MT1X: variants seen among roughly 807,000 people sequenced by gnomAD.
MT1X encodes metallothionein 1X.
MT1X carries 7 observed loss-of-function variants against 8.6 expected under a neutral mutation model. The ratio of observed to expected loss-of-function variants is 0.81; its 90% CI spans 0.46 to 1.52. The LOEUF (loss-of-function observed/expected upper bound fraction) is 1.52. Among genes scored for constraint, MT1X ranks in the 40% most tolerant of loss-of-function variants. MT1X has a pLI of 0.01. For missense variants in MT1X, 72 were observed against 74.3 expected (o/e 0.97, Z 0.11); for synonymous variants, 25 against 27.6 (o/e 0.91, Z 0.30).
rs1268750809 is a variant in MT1X at position 56,682,533 on chromosome 16, G to C, written c.-8G>C. On this transcript the variant is annotated 5_prime_UTR_variant, in exon 1 of 3. Transcript: ENST00000394485. ...TGATCGGGAACTCCTGCTTCTCCTT[G>C]CCTCGAAATGGACCCCAACTGCTCC... 1 of 1,614,076 alleles carries C rather than the reference G, an allele frequency of 6.2e-7. No homozygotes were observed. Among genetic ancestry groups the C allele is most frequent in the Non-Finnish European group, 8.5e-7 (1 of 1,180,032 alleles).
At chr16:56,682,608 C>G in intron 1 of MT1X, 40 bp downstream of exon 1, 1 of 1,613,250 alleles carries the variant, frequency 6.2e-7, no homozygotes, top group Non-Finnish European at 8.5e-7. Flanking sequence ...ATGCCCGTTT[C>G]CCAGCCACAG....
Position 56,683,146 on chromosome 16 carries a change from C to A in MT1X, c.29-19C>A. On this transcript the variant is annotated intron_variant, in intron 1 of 2. Transcript: ENST00000394485. ...CTGCATCTCACTCCACGCTCACTGC[C>A]TTTTTCTCTTCCTTGCAGTTGGCTC... is the stretch of plus-strand genomic sequence containing the variant. 1.9e-6 allele frequency: 3 copies of A among 1,613,762 alleles called. No homozygotes were observed. The highest frequency in any genetic ancestry group is 2.5e-6 in the Non-Finnish European group (3 of 1,179,796).
rs1441744273 is a variant in MT1X, at chr16:56,684,160, A to G, written c.*111A>G. 9.7e-6 allele frequency: 12 copies of G among 1,235,488 alleles called. No homozygotes were observed. The East Asian group carries it at 1.0e-4, about 10-fold the overall frequency. The allele number at this position is 1,235,488 out of a possible 1,614,324, so 76.5% of individuals were successfully genotyped here. On this transcript the variant is annotated 3_prime_UTR_variant, in exon 3 of 3. Transcript: ENST00000394485. ...ACCCGTTTGCTACATCTTTTTTTCT[A>G]TGAAATATGTGAATGGCAATAAATT...
chr16:56,683,147 T>A lies in MT1X; in HGVS notation c.29-18T>A, dbSNP rs1367092745. 1 of 1,612,284 alleles carries A rather than the reference T, an allele frequency of 6.2e-7. No individual in the cohort carries two copies. On this transcript the variant is annotated intron_variant, in intron 1 of 2. Transcript: ENST00000394485. ...TGCATCTCACTCCACGCTCACTGCC[T>A]TTTTCTCTTCCTTGCAGTTGGCTCC...
intron 2 of MT1X, 153 bp from the exon 3 acceptor site, chr16:56,683,805 C>T (rs1266325044): frequency 8.5e-7 from 1 of 1,169,700 alleles, no homozygotes; most frequent in Admixed American, 2.2e-5. Context: ...ACCCTCATCC[C>T]AAAGATCTAC....
At chr16:56,683,905 G>T (rs1164507438) in intron 2 of MT1X, 53 bp from the exon 3 acceptor site, 46 of 1,611,164 alleles carry the variant, frequency 2.9e-5, no homozygotes, top group Non-Finnish European at 3.7e-5. Context: ...GTTGGGGCAG[G>T]GAGGTGCCTG....
In MT1X at chr16:56,683,895, G is replaced by T. The variant is rs1961031253; in HGVS notation, c.95-63G>T. The T allele has an allele frequency of 2.5e-6, 4 of 1,607,852 alleles. No individual in the cohort carries two copies. In the South Asian group the frequency reaches 3.3e-5, roughly 13 times the overall value. Reference sequence around the variant, plus strand: ...GAGGCAGGGCTCGAGCCAGGCCTCTGTTGGGGCAGGGAGGTGCCTGATTGA... The same window carrying T: ...GAGGCAGGGCTCGAGCCAGGCCTCTTTTGGGGCAGGGAGGTGCCTGATTGA... On this transcript the variant is annotated intron_variant, in intron 2 of 2. Transcript: ENST00000394485.
chr16:56,684,151 T>C lies in MT1X; in HGVS notation c.*102T>C. 1.5e-6 allele frequency: 2 copies of C among 1,349,512 alleles called. No homozygotes were observed. Among genetic ancestry groups the C allele is most frequent in the Admixed American group, 2.4e-5 (1 of 41,776 alleles). 83.6% of individuals were successfully genotyped at this position (1,349,512 alleles called of 1,614,324 possible). A position where few individuals can be genotyped will look rare whatever the true frequency, so the allele number is the denominator to read the frequency against. On this transcript the variant is annotated 3_prime_UTR_variant, in exon 3 of 3. Transcript: ENST00000394485. ...ACAACCCTGACCCGTTTGCTACATC[T>C]TTTTTTCTATGAAATATGTGAATGG...
At position 56,683,273 on chromosome 16, in the gene MT1X, G is replaced by A. The variant is rs17853023; in HGVS notation, c.94+43G>A. The A allele has an allele frequency of 2.8e-5, 45 of 1,611,652 alleles. No homozygotes were observed. The South Asian group carries it at 4.5e-4, about 16-fold the overall frequency. ...CCTGCGAATCTGGGGGATGGGCCAA[G>A]TTAGAGCAGGGAACCCAGAGCTCTG... On this transcript the variant is annotated intron_variant, in intron 2 of 2. Coordinates refer to ENST00000394485, the MANE Select transcript of MT1X (RefSeq NM_005952.4).
At chr16:56,683,360 T>G in intron 2 of MT1X, 130 bp downstream of exon 2, 1 of 1,075,138 alleles carries the variant, frequency 9.3e-7, no homozygotes, top group African/African-American at 1.6e-5. Context: ...TGATTCAGAA[T>G]CAGACCTCAA....
chr16:56,683,901 G>T, intron 2 of MT1X, 57 bp from the exon 3 acceptor site: 3 of 1,610,344 alleles, frequency 1.9e-6, no homozygotes, highest in Admixed American at 3.4e-5. Context: ...CTCTGTTGGG[G>T]CAGGGAGGTG....
In MT1X at chr16:56,684,093, A is replaced by G; in HGVS notation, c.*44A>G. 2 of 1,533,270 alleles carry G rather than the reference A, an allele frequency of 1.3e-6. No homozygotes were observed. Among genetic ancestry groups the G allele is most frequent in the Non-Finnish European group, 8.7e-7 (1 of 1,143,026 alleles). The allele number at this position is 1,533,270 out of a possible 1,614,324, so 95.0% of individuals were successfully genotyped here. A position where few individuals can be genotyped will look rare whatever the true frequency, so the allele number is the denominator to read the frequency against. On this transcript the variant is annotated 3_prime_UTR_variant, in exon 3 of 3. Transcript: ENST00000394485. The stretch of plus-strand genomic sequence containing the variant: ...CTCAGATGTAAATAGAGCAACCTAT[A>G]TAAACCTGGATTTTTTTTTTTTTTT...
In MT1X at chr16:56,683,953, T is replaced by G. The variant is rs779854986; in HGVS notation, c.95-5T>G. The G allele has an allele frequency of 1.9e-6, 3 of 1,613,820 alleles. No individual in the cohort carries two copies. The highest frequency in any genetic ancestry group is 2.5e-6 in the Non-Finnish European group (3 of 1,179,962). On this transcript the variant is annotated splice_polypyrimidine_tract_variant and splice_region_variant and intron_variant, in intron 2 of 2. Transcript: ENST00000394485. ...CTGACCTCTCACTCTCCCCTTCTTCTCCAGGCTGCTGCTCCTGCTGCCCTG... is the reference window on the plus strand; with the variant it reads ...CTGACCTCTCACTCTCCCCTTCTTCGCCAGGCTGCTGCTCCTGCTGCCCTG...
intron 1 of MT1X, 50 bp from the exon 2 acceptor site, chr16:56,683,115 T>C: frequency 1.9e-6 from 3 of 1,607,102 alleles, no homozygotes; most frequent in Non-Finnish European, 2.6e-6. Context: ...CCAGCTGCTG[T>C]ACCTTCTGCA....
intron 1 of MT1X, 48 bp from the exon 2 acceptor site, chr16:56,683,117 C>T: frequency 6.2e-7 from 1 of 1,608,676 alleles, no homozygotes; most frequent in Non-Finnish European, 8.5e-7. Context: ...AGCTGCTGTA[C>T]CTTCTGCATC....
At chr16:56,683,269 C>T in intron 2 of MT1X, 39 bp downstream of exon 2, 1 of 1,612,252 alleles carries the variant, frequency 6.2e-7, no homozygotes, top group Non-Finnish European at 8.5e-7. Flanking sequence ...GGGGGATGGG[C>T]CAAGTTAGAG....
chr16:56,684,039 G>T lies in MT1X; in HGVS notation c.176G>T (p.Cys59Phe). 1 of 1,613,910 alleles carries T rather than the reference G, an allele frequency of 6.2e-7. No individual in the cohort carries two copies. The highest frequency in any genetic ancestry group is 8.5e-7 in the Non-Finnish European group (1 of 1,179,960). The change falls in exon 3 of 3, where the codon TGC (cysteine) becomes TTC (phenylalanine). Residue 59 changes from cysteine (C) to phenylalanine (F), a missense_variant. Coordinates refer to ENST00000394485, the MANE Select transcript of MT1X (RefSeq NM_005952.4). ...ICKGTSDKCSCCA is the reference protein window; with the variant it reads ...ICKGTSDKCSFCA ...AAAGGGACGTCAGACAAGTGCAGCT[G>T]CTGTGCCTGATGCCAGGACAGCTGT...
chr16:56,683,423 A>G, intron 2 of MT1X, 193 bp downstream of exon 2: 2 of 593,978 alleles, frequency 3.4e-6, no homozygotes, highest in Non-Finnish European at 5.8e-6. Context: ...CTAGAAACTG[A>G]GGCCCAGAGA....
At chr16:56,683,682 G>C in intron 2 of MT1X, 1 of 473,000 alleles carries the variant, frequency 2.1e-6, no homozygotes, top group South Asian at 2.7e-5. Flanking sequence ...CCTCATTTAA[G>C]GGTAGGTTTT....
Sources: allele counts gnomAD v4.1 joint callset, GRCh38; gene constraint gnomAD v4.1.1; transcripts MANE v1.5; gene names NCBI Gene and HGNC (gene_info 2026-07-23, HGNC 2026-07-21).